Variants in PCNX2 observed in about 807,000 individuals in gnomAD.
PCNX2 encodes the protein pecanex-like protein 2.
In PCNX2, 168 loss-of-function variants were observed where a neutral mutation model predicts 223.8. The observed-to-expected ratio is 0.75, with a 90% CI of 0.66 to 0.85. The LOEUF is 0.85. PCNX2 is among the 40% of genes least tolerant of loss of function. The pLI is 0.00. For synonymous variants in PCNX2, 1,006 were observed against 1,052.6 expected, an observed-to-expected ratio of 0.96 and a Z score of 0.86; for missense variants, 2,507 against 2,675.5, an observed-to-expected ratio of 0.94 and a Z score of 1.39.
chr1:233,255,933 C>A (rs187669870), intron 5 of PCNX2, among the ~76,000 whole-genome samples: 6 of 152,276 alleles, frequency 3.9e-5, no homozygotes, highest in African/African-American at 1.2e-4. Flanking sequence ...CACTGAAAAA[C>A]CATCTAATTT....
intron 10 of PCNX2, among the ~76,000 whole-genome samples, chr1:233,222,422 T>C (rs1657437881): frequency 6.6e-6 from 1 of 152,056 alleles, no homozygotes; most frequent in East Asian, 1.9e-4. Flanking sequence ...GGGCTGAGCA[T>C]GATGGGCACC....
At position 233,033,784 on chromosome 1, in the gene PCNX2, A is replaced by T. The variant is rs1572032040; in HGVS notation, c.4352-8385T>A. On this transcript the variant is annotated intron_variant, in intron 25 of 33. Coordinates refer to ENST00000258229, the MANE Select transcript of PCNX2 (RefSeq NM_014801.4). ...CTTGCATCATCCAAGAGTAGATTCTAGAAACTCTTGAGGACTGGGAGAACT... is the reference window on the plus strand; with the variant it reads ...CTTGCATCATCCAAGAGTAGATTCTTGAAACTCTTGAGGACTGGGAGAACT... Among the ~76,000 whole-genome samples the T allele has an allele frequency of 3.9e-5, 6 of 152,370 alleles. 1 individual carries two copies. The highest frequency in any genetic ancestry group is 3.9e-4 in the Admixed American group (6 of 15,314).
At position 233,114,349 on chromosome 1, in the gene PCNX2, G is replaced by C. The variant is rs559970551; in HGVS notation, c.3838-18486C>G. Among the ~76,000 whole-genome samples, 5 of 152,318 alleles carry C rather than the reference G, an allele frequency of 3.3e-5. No individual in the cohort carries two copies. In the South Asian group the frequency reaches 1.0e-3, roughly 32 times the overall value. ...TGGAGTCTCCAGTGGCAGCACATCT[G>C]GCATAGTGGAGGAACTGCAAGTCTA... On this transcript the variant is annotated intron_variant, in intron 21 of 33. Coordinates refer to ENST00000258229, the MANE Select transcript of PCNX2 (RefSeq NM_014801.4).
the PCNX2 span, among the ~76,000 whole-genome samples, chr1:233,316,507 G>A: frequency 6.6e-6 from 1 of 152,096 alleles, no homozygotes; most frequent in Admixed American, 6.6e-5. Context: ...AAGAGAAAAA[G>A]GCTAATTTAC....
chr1:233,154,026 A>AT (rs965937917), intron 19 of PCNX2, among the ~76,000 whole-genome samples: 3 of 152,124 alleles, frequency 2.0e-5, no homozygotes, highest in African/African-American at 7.2e-5. Flanking sequence ...GTAATAGTGG[A>AT]TTTTTTTAAA....
intron 19 of PCNX2, among the ~76,000 whole-genome samples, chr1:233,146,948 T>G (rs546179805): frequency 6.6e-6 from 1 of 152,354 alleles, no homozygotes; most frequent in African/African-American, 2.4e-5. Context: ...AGTAGGTTTT[T>G]CATAAGAATT....
chr1:233,267,615 A>C (rs532441078), intron 1 of PCNX2, among the ~76,000 whole-genome samples: 1 of 151,012 alleles, frequency 6.6e-6, no homozygotes, highest in African/African-American at 2.4e-5. Context: ...AGAATCATAT[A>C]GTACATGACC....
rs556097345 is a variant in PCNX2, at chr1:233,259,270, G to T, written c.592C>A (p.Pro198Thr). 6.2e-7 allele frequency: 1 copy of T among 1,613,934 alleles called. No individual in the cohort carries two copies. Among genetic ancestry groups the T allele is most frequent in the African/African-American group, 1.3e-5 (1 of 75,032 alleles). The change falls in exon 5 of 34, where the codon CCT (proline) becomes ACT (threonine). Residue 198 changes from proline to threonine, a missense_variant. By Grantham distance (38) the Pro-to-Thr change is conservative. Transcript: ENST00000258229. ...TCCAGCATGTGTGCTTGAGACGCAG[G>T]TAAGCTTTCCACTTTGATACCAGGT... The part of the protein sequence containing the change: ...TSPGIKVESL[P>T]ASQAHMLETT...
At chr1:233,219,151 T>G (rs779685872) in intron 10 of PCNX2, among the ~76,000 whole-genome samples, 1 of 151,872 alleles carries the variant, frequency 6.6e-6, no homozygotes, top group East Asian at 1.9e-4. Context: ...CAAAGGACAA[T>G]GTAAGGCTGT....
At chr1:233,147,986 C>T (rs1558281897) in intron 19 of PCNX2, among the ~76,000 whole-genome samples, 1 of 152,040 alleles carries the variant, frequency 6.6e-6, no homozygotes, top group Non-Finnish European at 1.5e-5. Context: ...AGGAGAGTCA[C>T]AAAAAAATAC....
intron 25 of PCNX2, among the ~76,000 whole-genome samples, chr1:233,039,691 C>A (rs1442976472): frequency 6.6e-6 from 1 of 152,112 alleles, no homozygotes; most frequent in African/African-American, 2.4e-5. Flanking sequence ...AATAAAAAAA[C>A]CTCAATGCAT....
intron 20 of PCNX2, 57 bp from the exon 21 acceptor site, chr1:233,135,247 G>A: frequency 6.7e-7 from 1 of 1,484,460 alleles, no homozygotes. Flanking sequence ...TGCTGGATGA[G>A]TTTCATTCGC....
At chr1:233,244,666 A>C (rs1658994564) in intron 8 of PCNX2, among the ~76,000 whole-genome samples, 2 of 151,494 alleles carry the variant, frequency 1.3e-5, no homozygotes, top group South Asian at 4.1e-4. Context: ...AGCCGAGATC[A>C]CATCAATGCA....
intron 23 of PCNX2, among the ~76,000 whole-genome samples, chr1:233,087,445 C>G (rs535158524): frequency 6.6e-6 from 1 of 152,112 alleles, no homozygotes; most frequent in African/African-American, 2.4e-5. Context: ...GGATAAATGA[C>G]GTTAACTGAC....
chr1:233,206,103 G>A (rs1320646440), intron 13 of PCNX2, among the ~76,000 whole-genome samples: 2 of 151,966 alleles, frequency 1.3e-5, no homozygotes, highest in African/African-American at 4.8e-5. Context: ...CAGTAATTAC[G>A]GCTCCAGCTC....
chr1:233,009,439 A>C (rs1485022018), intron 28 of PCNX2, among the ~76,000 whole-genome samples: 3 of 152,228 alleles, frequency 2.0e-5, no homozygotes, highest in Non-Finnish European at 4.4e-5. Flanking sequence ...CAAATAAATC[A>C]TAAGTGTGAA....
intron 23 of PCNX2, among the ~76,000 whole-genome samples, chr1:233,076,539 G>A (rs143572544): frequency 6.6e-6 from 1 of 152,234 alleles, no homozygotes; most frequent in African/African-American, 2.4e-5. Context: ...CTAGTTGAGG[G>A]ATTTGGCGTT....
intron 24 of PCNX2, among the ~76,000 whole-genome samples, chr1:233,055,423 C>T (rs1379813145): frequency 2.0e-5 from 3 of 151,910 alleles, no homozygotes; most frequent in African/African-American, 7.3e-5. Flanking sequence ...GCCAGGGGTG[C>T]GTGTTGAGTG....
chr1:233,326,761 T>C, the PCNX2 span, among the ~76,000 whole-genome samples: 1 of 152,172 alleles, frequency 6.6e-6, no homozygotes, highest in Non-Finnish European at 1.5e-5. Context: ...TAATCTAATA[T>C]TTTAGAATTT....
Sources: allele counts gnomAD v4.1 joint callset (sites outside exome capture counted in the v4.1 genomes callset), GRCh38; gene constraint gnomAD v4.1.1; transcripts MANE v1.5; gene names NCBI Gene and HGNC (gene_info 2026-07-23, HGNC 2026-07-21).